The following SUGCT variants were observed in gnomAD, a reference collection of about 807,000 sequenced individuals.
SUGCT encodes succinyl-CoA:glutarate CoA-transferase.
In SUGCT, 41 loss-of-function variants were observed where a neutral mutation model predicts 55.0. The ratio of observed to expected loss-of-function variants is 0.74; its 90% confidence interval spans 0.58 to 0.97. SUGCT has a LOEUF of 0.97. Among genes scored for constraint, SUGCT ranks in the 50% least tolerant of loss-of-function variants. The pLI, the probability that SUGCT is intolerant of heterozygous loss-of-function variation, is 0.00. For missense variants in SUGCT, 568 were observed against 547.8 expected (o/e 1.04, Z -0.37); for synonymous variants, 187 against 200.4 (o/e 0.93, Z 0.56).
At chr7:40,795,470 C>A (rs1252260728) in intron 13 of SUGCT, among the ~76,000 whole-genome samples, 1 of 152,068 alleles carries the variant, frequency 6.6e-6, no homozygotes, top group Non-Finnish European at 1.5e-5. Context: ...TCCAGAAGTT[C>A]TTCAAAATAA....
At chr7:41,034,698 C>T in the SUGCT span, among the ~76,000 whole-genome samples, 123 of 152,304 alleles carry the variant, frequency 8.1e-4, 1 homozygote, top group Non-Finnish European at 1.5e-3. Flanking sequence ...TCTTCTTCTG[C>T]GTGTCCATTC....
intron 12 of SUGCT, among the ~76,000 whole-genome samples, chr7:40,723,587 T>C (rs576314093): frequency 6.6e-6 from 1 of 152,332 alleles, no homozygotes; most frequent in South Asian, 2.1e-4. Context: ...TTGACTTAAC[T>C]GGAACAGCTT....
intron 6 of SUGCT, among the ~76,000 whole-genome samples, chr7:40,197,793 G>A (rs1305580789): frequency 2.0e-5 from 3 of 152,164 alleles, no homozygotes; most frequent in African/African-American, 7.2e-5. Flanking sequence ...TTTCGAGCAG[G>A]ATGACAATTG....
intron 6 of SUGCT, among the ~76,000 whole-genome samples, chr7:40,235,489 G>A (rs1788962284): frequency 6.6e-6 from 1 of 152,114 alleles, no homozygotes; most frequent in Non-Finnish European, 1.5e-5. Flanking sequence ...ACCACGCCTG[G>A]CTAATTTTTG....
chr7:40,502,389 A>G (rs1405023152), intron 12 of SUGCT, among the ~76,000 whole-genome samples: 3 of 152,040 alleles, frequency 2.0e-5, no homozygotes, highest in Non-Finnish European at 2.9e-5. Context: ...GTACCAGCTA[A>G]TTTTTGAAAG....
In SUGCT at chr7:40,183,221, C is replaced by T. The variant is rs112826960; in HGVS notation, c.226+1193C>T. On this transcript the variant is annotated intron_variant, in intron 3 of 13. Transcript: ENST00000335693. ...TTGGGAGGTGGAGGTTTCAGTGAGC[C>T]GAGGTCGTGCCACTGCACTCCAGCC... Among the ~76,000 whole-genome samples the T allele has an allele frequency of 1.4e-4, 22 of 152,282 alleles. 1 individual carries two copies. Among genetic ancestry groups the T allele is most frequent in the African/African-American group, 3.6e-4 (15 of 41,568 alleles).
At chr7:41,014,872 A>G in the SUGCT span, among the ~76,000 whole-genome samples, 1 of 152,330 alleles carries the variant, frequency 6.6e-6, no homozygotes, top group Non-Finnish European at 1.5e-5. Flanking sequence ...CATTTACAGT[A>G]TCTAGATGAA....
chr7:40,941,583 A>G, the SUGCT span, among the ~76,000 whole-genome samples: 2 of 152,084 alleles, frequency 1.3e-5, no homozygotes, highest in African/African-American at 4.8e-5. Context: ...TGTTAGGTCT[A>G]TTTGTGCTAG....
At chr7:40,705,569 A>G (rs1190089834) in intron 12 of SUGCT, among the ~76,000 whole-genome samples, 1 of 152,170 alleles carries the variant, frequency 6.6e-6, no homozygotes, top group African/African-American at 2.4e-5. Context: ...TCCCAGCATA[A>G]CACTATTACA....
intron 12 of SUGCT, among the ~76,000 whole-genome samples, chr7:40,681,940 G>A (rs975664716): frequency 2.0e-5 from 3 of 152,284 alleles, no homozygotes; most frequent in Admixed American, 6.5e-5. Context: ...GATCTGTTTG[G>A]TGGGGGTCTG....
chr7:40,821,695 T>TAAAACC (rs1792025746), intron 13 of SUGCT, among the ~76,000 whole-genome samples: 1 of 152,234 alleles, frequency 6.6e-6, no homozygotes, highest in Non-Finnish European at 1.5e-5. Flanking sequence ...GTCAATTTTG[T>TAAAACC]TGATCTTTTC....
At chr7:40,676,893 A>AAGTGTG (rs1784011803) in intron 12 of SUGCT, among the ~76,000 whole-genome samples, 1 of 88,338 alleles carries the variant, frequency 1.1e-5, no homozygotes, top group Admixed American at 1.2e-4. Context: ...TTTCAGAATG[A>AAGTGTG]CGTGTGTGTG....
At chr7:40,742,812 A>G (rs1787535796) in intron 12 of SUGCT, among the ~76,000 whole-genome samples, 1 of 152,348 alleles carries the variant, frequency 6.6e-6, no homozygotes, top group African/African-American at 2.4e-5. Context: ...ATTCACTGTA[A>G]GTTTTGCCTT....
At chr7:40,317,672 G>T (rs978073202) in intron 9 of SUGCT, among the ~76,000 whole-genome samples, 3 of 152,132 alleles carry the variant, frequency 2.0e-5, no homozygotes, top group Admixed American at 1.3e-4. Context: ...GCTCTTGGGA[G>T]AAAACAAAAA....
the SUGCT span, among the ~76,000 whole-genome samples, chr7:41,027,881 C>T: frequency 6.6e-6 from 1 of 152,134 alleles, no homozygotes; most frequent in African/African-American, 2.4e-5. Flanking sequence ...TGCGGGGGCT[C>T]CAAGCATCCG....
At chr7:40,300,928 A>G (rs1794495531) in intron 8 of SUGCT, among the ~76,000 whole-genome samples, 1 of 152,238 alleles carries the variant, frequency 6.6e-6, no homozygotes, top group Non-Finnish European at 1.5e-5. Flanking sequence ...TGATGGCCAT[A>G]AAATGGCAGT....
At chr7:40,554,901 T>TG (rs1174563366) in intron 12 of SUGCT, among the ~76,000 whole-genome samples, 6 of 152,208 alleles carry the variant, frequency 3.9e-5, no homozygotes, top group African/African-American at 1.4e-4. Context: ...CCTTAATGCC[T>TG]GTCCCCATCA....
At chr7:40,429,169 A>C (rs1787759099) in intron 9 of SUGCT, among the ~76,000 whole-genome samples, 1 of 152,006 alleles carries the variant, frequency 6.6e-6, no homozygotes. Context: ...CTACACATTT[A>C]GCATGAATCT....
chr7:40,824,270 G>T (rs1792190737), intron 13 of SUGCT, among the ~76,000 whole-genome samples: 1 of 152,024 alleles, frequency 6.6e-6, no homozygotes, highest in South Asian at 2.1e-4. Flanking sequence ...CAGTAAAGCT[G>T]ATGGATGTTC....
Sources: allele counts gnomAD v4.1 joint callset (sites outside exome capture counted in the v4.1 genomes callset), GRCh38; gene constraint gnomAD v4.1.1; transcripts MANE v1.5; gene names NCBI Gene and HGNC (gene_info 2026-07-23, HGNC 2026-07-21).